The following KLF8 variants were observed in gnomAD, a reference collection of about 807,000 sequenced individuals.
KLF8 encodes KLF transcription factor 8, also known as Krueppel-like factor 8.
KLF8 carries 10 observed loss-of-function variants against 18.2 expected under a neutral mutation model. The observed-to-expected ratio is 0.55, with a 90% CI of 0.34 to 0.93. KLF8 has a LOEUF of 0.93. Ranked by LOEUF, KLF8 falls within the 40% of genes least tolerant of loss-of-function variation. KLF8 has a pLI of 0.02. For missense variants in KLF8, 264 were observed against 277.9 expected (o/e 0.95, Z 0.36); for synonymous variants, 109 against 97.3 (o/e 1.12, Z -0.71).
At chrX:56,206,704 A>T in the KLF8 span, among the ~76,000 whole-genome samples, 2 of 111,811 alleles carry the variant, frequency 1.8e-5, no homozygotes, top group African/African-American at 6.5e-5. Flanking sequence ...TTCCAGGTGC[A>T]TTGTGCAAGA....
the KLF8 span, among the ~76,000 whole-genome samples, chrX:56,058,864 C>T: frequency 9.0e-6 from 1 of 111,571 alleles, no homozygotes; most frequent in Non-Finnish European, 1.9e-5. Context: ...TGGGTGTATA[C>T]CCAGTAGTGG....
the KLF8 span, among the ~76,000 whole-genome samples, chrX:56,217,379 C>T: frequency 1.0e-5 from 1 of 97,922 alleles, no homozygotes; most frequent in Non-Finnish European, 2.2e-5. Context: ...AGGATTCTTC[C>T]ATGCCATTCT....
chrX:56,177,205 G>T, the KLF8 span, among the ~76,000 whole-genome samples: 2 of 111,389 alleles, frequency 1.8e-5, no homozygotes, highest in Non-Finnish European at 3.8e-5. Flanking sequence ...CAGTTTTTCT[G>T]CTCTGTTTGT....
At chrX:56,266,110 T>C (rs1469608703) in intron 3 of KLF8, 28 of 774,541 alleles carry the variant, frequency 3.6e-5, no homozygotes, top group South Asian at 6.4e-5. Flanking sequence ...GCTTCAAAAA[T>C]AGTTGAAGCT....
the KLF8 span, among the ~76,000 whole-genome samples, chrX:56,168,498 T>A: frequency 8.9e-6 from 1 of 112,238 alleles, no homozygotes; most frequent in Admixed American, 9.4e-5. Flanking sequence ...CATAAAAAAA[T>A]AGTCTTTTTT....
the KLF8 span, among the ~76,000 whole-genome samples, chrX:56,202,885 CAT>C: frequency 2.7e-5 from 3 of 111,082 alleles, no homozygotes; most frequent in Non-Finnish European, 5.7e-5. Context: ...CTGGAACAAA[CAT>C]AGAGGTTCAG....
At chrX:55,949,337 G>C in the KLF8 span, among the ~76,000 whole-genome samples, 1 of 62,185 alleles carries the variant, frequency 1.6e-5, no homozygotes, top group East Asian at 3.7e-4. Flanking sequence ...CATATGCTGT[G>C]TGTGTGTGTG....
chrX:56,160,379 G>C, the KLF8 span, among the ~76,000 whole-genome samples: 1 of 111,648 alleles, frequency 9.0e-6, no homozygotes, highest in Non-Finnish European at 1.9e-5. Context: ...ATTTGGGGTG[G>C]AGAGTTCTGT....
chrX:55,943,795 G>A, the KLF8 span, among the ~76,000 whole-genome samples: 1 of 112,306 alleles, frequency 8.9e-6, no homozygotes, highest in East Asian at 2.8e-4. Flanking sequence ...GTTTGCAGCT[G>A]TCTGCTTTCC....
chrX:56,070,789 T>TA, the KLF8 span, among the ~76,000 whole-genome samples: 5 of 112,284 alleles, frequency 4.5e-5, no homozygotes, highest in African/African-American at 6.5e-5. Context: ...AGTAAAATAA[T>TA]AAAAAAAGAA....
chrX:56,162,082 G>C, the KLF8 span, among the ~76,000 whole-genome samples: 1 of 111,992 alleles, frequency 8.9e-6, no homozygotes, highest in Non-Finnish European at 1.9e-5. Flanking sequence ...CTGCAGAACA[G>C]TTAATACTGG....
the KLF8 span, among the ~76,000 whole-genome samples, chrX:56,079,298 T>C: frequency 9.0e-6 from 1 of 111,112 alleles, no homozygotes; most frequent in Non-Finnish European, 1.9e-5. Context: ...AATTTCCCTC[T>C]ACACACTGCT....
chrX:55,929,961 A>G, the KLF8 span, among the ~76,000 whole-genome samples: 1 of 110,016 alleles, frequency 9.1e-6, no homozygotes, highest in African/African-American at 3.3e-5. Context: ...GAATCTATAA[A>G]TTACCTTGGG....
the KLF8 span, among the ~76,000 whole-genome samples, chrX:55,944,310 T>C: frequency 9.0e-6 from 1 of 110,661 alleles, no homozygotes; most frequent in Middle Eastern, 4.6e-3. Flanking sequence ...GTTGTGTCTC[T>C]GTCAGGCTTT....
the KLF8 span, among the ~76,000 whole-genome samples, chrX:55,910,562 G>C: frequency 8.9e-6 from 1 of 111,955 alleles, no homozygotes; most frequent in African/African-American, 3.2e-5. Context: ...TATCACTGGA[G>C]TGGACAAGAG....
the KLF8 span, among the ~76,000 whole-genome samples, chrX:56,162,508 T>C: frequency 9.0e-6 from 1 of 111,703 alleles, no homozygotes; most frequent in Non-Finnish European, 1.9e-5. Flanking sequence ...CCTTGCAGTT[T>C]GATCTCAGAC....
the KLF8 span, among the ~76,000 whole-genome samples, chrX:55,920,462 A>G: frequency 8.9e-6 from 1 of 112,030 alleles, no homozygotes; most frequent in Non-Finnish European, 1.9e-5. Flanking sequence ...AATGTCTGTC[A>G]TTAAGCTAAT....
the KLF8 span, among the ~76,000 whole-genome samples, chrX:56,111,771 AC>A: frequency 8.9e-6 from 1 of 112,312 alleles, no homozygotes; most frequent in South Asian, 3.7e-4. Flanking sequence ...GCAAATCAAA[AC>A]CACAATGAGA....
At chrX:56,185,709 G>T in the KLF8 span, among the ~76,000 whole-genome samples, 1 of 111,819 alleles carries the variant, frequency 8.9e-6, no homozygotes, top group Non-Finnish European at 1.9e-5. Flanking sequence ...AAGAGAGTGG[G>T]GGCCAATATT....
Sources: allele counts gnomAD v4.1 joint callset (sites outside exome capture counted in the v4.1 genomes callset), GRCh38; gene constraint gnomAD v4.1.1; transcripts MANE v1.5; gene names NCBI Gene and HGNC (gene_info 2026-07-23, HGNC 2026-07-21).